GRAMD1C: variants seen among roughly 807,000 people sequenced by gnomAD.
The protein encoded by GRAMD1C is GRAM domain containing 1C, also known as protein Aster-C.
GRAMD1C carries 89 observed loss-of-function variants against 97.8 expected under a neutral mutation model. The ratio of observed to expected loss-of-function variants is 0.91; its 90% CI spans 0.77 to 1.09. The LOEUF (loss-of-function observed/expected upper bound fraction) is 1.09. Ranked by LOEUF, GRAMD1C falls within the 50% of genes least tolerant of loss-of-function variation. GRAMD1C has a pLI of 0.00. For missense variants in GRAMD1C, 740 were observed against 766.4 expected (o/e 0.97, Z 0.41); for synonymous variants, 256 against 267.0 (o/e 0.96, Z 0.40).
At chr3:113,925,238 C>G (rs1335325020) in intron 10 of GRAMD1C, among the ~76,000 whole-genome samples, 1 of 152,256 alleles carries the variant, frequency 6.6e-6, no homozygotes, top group East Asian at 1.9e-4. Flanking sequence ...GCCTGTAATC[C>G]CAGCACTTTG....
At chr3:113,844,746 C>A in intron 2 of GRAMD1C, 97 bp downstream of exon 2, 1 of 834,154 alleles carries the variant, frequency 1.2e-6, no homozygotes, top group Non-Finnish European at 1.9e-6. Context: ...TCCTTCTTAG[C>A]TTCTAGATTT....
At chr3:113,834,325 G>A (rs1233627164), upstream of GRAMD1C, among the ~76,000 whole-genome samples, 5 of 151,896 alleles carry the variant, frequency 3.3e-5, no homozygotes, top group Non-Finnish European at 4.4e-5. Context: ...GATTACAGGC[G>A]CCTGCCACCA....
rs1934474581 is a variant in GRAMD1C, at chr3:113,863,485, GTAACTGC to G, written c.175-6018_175-6012del. Among the ~76,000 whole-genome samples, 4 of 152,260 alleles carry G rather than the reference GTAACTGC, an allele frequency of 2.6e-5. No individual in the cohort carries two copies. The South Asian group carries it at 8.3e-4, about 32-fold the overall frequency. Reference sequence around the variant, plus strand: ...ACCTGGGTGGAGGGGGAAATGGAGAGTAACTGCTAATGGGTATAGGATTTCTTTTCAG... The same window carrying G: ...ACCTGGGTGGAGGGGGAAATGGAGAGTAATGGGTATAGGATTTCTTTTCAG... On this transcript the variant is annotated intron_variant, in intron 2 of 17. Transcript: ENST00000358160.
At chr3:113,911,654 T>C (rs1298927767) in intron 9 of GRAMD1C, among the ~76,000 whole-genome samples, 1 of 106,960 alleles carries the variant, frequency 9.3e-6, no homozygotes, top group Non-Finnish European at 2.2e-5. Flanking sequence ...TTTCTTTTTC[T>C]TTCTTTCTTT....
At chr3:113,838,684 C>G (rs1221475404), upstream of GRAMD1C, 2 of 368,064 alleles carry the variant, frequency 5.4e-6, no homozygotes, top group South Asian at 1.5e-4. Context: ...AGGGAAGTCT[C>G]ATTGTGACCC....
chr3:113,903,264 T>C (rs145310322), intron 7 of GRAMD1C, among the ~76,000 whole-genome samples: 2,260 of 152,176 alleles, frequency 0.015, 51 homozygotes, highest in African/African-American at 0.052. Flanking sequence ...TGAGCCATCA[T>C]GCCCGGTCGG....
chr3:113,837,721 A>C (rs1442457752), upstream of GRAMD1C, among the ~76,000 whole-genome samples: 42 of 92,210 alleles, frequency 4.6e-4, no homozygotes, highest in Admixed American at 5.7e-3. Context: ...ACCCTGTCTC[A>C]AAAAACAAAC....
chr3:113,886,216 G>A (rs1482729791), intron 6 of GRAMD1C, among the ~76,000 whole-genome samples: 1 of 152,188 alleles, frequency 6.6e-6, no homozygotes, highest in Non-Finnish European at 1.5e-5. Context: ...ACATGGGCTG[G>A]GGGCTCTGAA....
chr3:113,865,669 G>A (rs1471150693), intron 2 of GRAMD1C, among the ~76,000 whole-genome samples: 2 of 152,108 alleles, frequency 1.3e-5, no homozygotes, highest in Non-Finnish European at 2.9e-5. Flanking sequence ...TTCAAATATT[G>A]CATCTACCTC....
Position 113,904,188 on chromosome 3 carries a change from A to G in GRAMD1C, c.705A>G (p.Lys235=), listed in dbSNP as rs774123805. 41 of 1,608,366 alleles carry G rather than the reference A, an allele frequency of 2.5e-5. No individual in the cohort carries two copies. The highest frequency in any genetic ancestry group is 3.5e-5 in the Non-Finnish European group (41 of 1,174,928). ...ATGACTCTGGGGAGAGAGATGAAAA[A>G]TTATCCAAGTCAATCAGTTTTACCA... ...SLDDSGERDE[K]LSKSISFTSE... is the part of the protein sequence containing the mutation. Residue 235 remains lysine, a synonymous_variant, in exon 8 of 18, where the codon AAA becomes AAG. Coordinates refer to ENST00000358160, the MANE Select transcript of GRAMD1C (RefSeq NM_017577.5).
At chr3:113,840,263 C>CT (rs1709749045) in intron 1 of GRAMD1C, among the ~76,000 whole-genome samples, 1 of 152,128 alleles carries the variant, frequency 6.6e-6, no homozygotes, top group Non-Finnish European at 1.5e-5. Flanking sequence ...ACCACCGCGC[C>CT]CGGCCCTGAA....
At chr3:113,850,183 CTT>C (rs201635136) in intron 2 of GRAMD1C, 470 of 381,158 alleles carry the variant, frequency 1.2e-3, no homozygotes, top group Middle Eastern at 1.7e-3. Context: ...TATATACTTA[CTT>C]TTTTTTTTTG....
chr3:113,836,739 G>A (rs577155428), upstream of GRAMD1C, among the ~76,000 whole-genome samples: 18 of 151,978 alleles, frequency 1.2e-4, no homozygotes, highest in Non-Finnish European at 2.6e-4. Context: ...CACTTTCCAG[G>A]TTCAAGCGAT....
intron 2 of GRAMD1C, among the ~76,000 whole-genome samples, chr3:113,857,059 G>A (rs918393678): frequency 3.3e-5 from 5 of 151,298 alleles, no homozygotes; most frequent in Admixed American, 1.3e-4. Flanking sequence ...GGCTGGTCTC[G>A]AACTCCTGAG....
intron 6 of GRAMD1C, among the ~76,000 whole-genome samples, chr3:113,889,662 T>C (rs936847059): frequency 1.3e-5 from 2 of 151,308 alleles, no homozygotes; most frequent in Non-Finnish European, 3.0e-5. Context: ...TTTTTCGAGA[T>C]GGAGTTTTGC....
At chr3:113,850,971 T>C (rs368606779) in intron 2 of GRAMD1C, among the ~76,000 whole-genome samples, 6 of 151,666 alleles carry the variant, frequency 4.0e-5, no homozygotes, top group Admixed American at 1.3e-4. Context: ...CCCGGCTAAT[T>C]TTTTGTATTT....
intron 6 of GRAMD1C, chr3:113,885,970 G>T: frequency 6.3e-7 from 1 of 1,597,982 alleles, no homozygotes; most frequent in Non-Finnish European, 8.5e-7. Flanking sequence ...GATGCCCTCA[G>T]GTTCACCGCT....
intron 6 of GRAMD1C, among the ~76,000 whole-genome samples, chr3:113,889,046 A>G (rs1935616468): frequency 6.6e-6 from 1 of 152,216 alleles, no homozygotes; most frequent in African/African-American, 2.4e-5. Context: ...TACTAAAAAT[A>G]CAAATTAGCC....
At chr3:113,882,316 A>C (rs763488975) in intron 5 of GRAMD1C, among the ~76,000 whole-genome samples, 61 of 152,168 alleles carry the variant, frequency 4.0e-4, no homozygotes, top group Non-Finnish European at 3.1e-4. Flanking sequence ...AAGATCCTTA[A>C]ATCTATCTCT....
Sources: gnomAD v4.1 joint callset for allele counts (sites outside exome capture counted in the v4.1 genomes callset) on GRCh38, gnomAD v4.1.1 for gene constraint, MANE v1.5 for transcripts, NCBI Gene and HGNC (gene_info 2026-07-23, HGNC 2026-07-21) for gene names.